The following RAD51C variants were observed in gnomAD, a reference collection of about 807,000 sequenced individuals.
The protein encoded by RAD51C is DNA repair protein RAD51 homolog 3.
Under a neutral mutation model 45.0 loss-of-function variants are expected in RAD51C, and 42 were observed. The observed-to-expected ratio is 0.93, with a 90% confidence interval of 0.73 to 1.21. RAD51C has a LOEUF of 1.21. Ranked by LOEUF, RAD51C falls within the 50% of genes most tolerant of loss-of-function variation. The pLI is 0.00. For missense variants in RAD51C, 474 were observed against 452.2 expected (o/e 1.05, Z -0.44); for synonymous variants, 172 against 159.8 (o/e 1.08, Z -0.58).
chr17:58,717,535 G>A (rs926121953), intron 5 of RAD51C, among the ~76,000 whole-genome samples: 5 of 152,024 alleles, frequency 3.3e-5, no homozygotes, highest in Non-Finnish European at 7.4e-5. Context: ...TCAGGAGTTC[G>A]AGACCAGCCT....
chr17:58,716,104 C>T (rs979243152), intron 5 of RAD51C, among the ~76,000 whole-genome samples: 6 of 126,044 alleles, frequency 4.8e-5, no homozygotes, highest in African/African-American at 6.6e-5. Flanking sequence ...GACTCTGTCT[C>T]GAAAAAAAAA....
In RAD51C at chr17:58,734,512, A is replaced by G. The variant is rs533020255; in HGVS notation, c.*290A>G. On this transcript the variant is annotated 3_prime_UTR_variant, in exon 9 of 9. Transcript: ENST00000337432. Reference sequence around the variant, plus strand: ...CTCATGTGGCCAGTCTGAATTTACCATTCATACTGTTTTCACCCCTTTCTT... The same window carrying G: ...CTCATGTGGCCAGTCTGAATTTACCGTTCATACTGTTTTCACCCCTTTCTT... 341 of 449,320 alleles carry G rather than the reference A, an allele frequency of 7.6e-4. No homozygotes were observed. Among genetic ancestry groups the G allele is most frequent in the Non-Finnish European group, 1.2e-3 (307 of 252,692 alleles). The allele number at this position is 449,320 out of a possible 1,614,324, so 27.8% of individuals were successfully genotyped here.
At chr17:58,732,791 G>A in intron 8 of RAD51C, 1 of 430,760 alleles carries the variant, frequency 2.3e-6, no homozygotes, top group East Asian at 3.9e-5. Context: ...CATGCCATAT[G>A]TAATGTCAGG....
At chr17:58,723,451 G>A (rs752892560) in intron 6 of RAD51C, among the ~76,000 whole-genome samples, 4 of 151,218 alleles carry the variant, frequency 2.6e-5, no homozygotes, top group Non-Finnish European at 4.4e-5. Flanking sequence ...CAGGAGCCTC[G>A]TATGCTCTCC....
At position 58,696,863 on chromosome 17, in the gene RAD51C, A is replaced by G. The variant is rs587780257; in HGVS notation, c.571+4A>G. ...GCAGAAAAACACAAGGGAGAGGGTAAGTTAGTAAATGATCTTCTTTTTTTC... is the reference window on the plus strand; with the variant it reads ...GCAGAAAAACACAAGGGAGAGGGTAGGTTAGTAAATGATCTTCTTTTTTTC... On this transcript the variant is annotated splice_donor_region_variant and intron_variant, in intron 3 of 8. Transcript: ENST00000337432. 9.3e-6 allele frequency: 15 copies of G among 1,613,836 alleles called. No individual in the cohort carries two copies. Among genetic ancestry groups the G allele is most frequent in the Admixed American group, 1.7e-5 (1 of 60,000 alleles).
intron 8 of RAD51C, 86 bp downstream of exon 8, chr17:58,732,630 C>T (rs2049479178): frequency 1.6e-6 from 2 of 1,282,834 alleles, no homozygotes; most frequent in African/African-American, 1.5e-5. Context: ...CTTCTGTCAA[C>T]TTCTGTAGGC....
intron 2 of RAD51C, among the ~76,000 whole-genome samples, chr17:58,695,745 A>G (rs759264925): frequency 1.8e-4 from 27 of 151,084 alleles, no homozygotes; most frequent in Non-Finnish European, 3.1e-4. Context: ...TAATCACATC[A>G]CTGGGCAGCA....
At chr17:58,704,492 G>C (rs2048316318) in intron 4 of RAD51C, among the ~76,000 whole-genome samples, 1 of 151,606 alleles carries the variant, frequency 6.6e-6, no homozygotes. Context: ...ATGTTGGCCA[G>C]GCTGCTCACC....
intron 6 of RAD51C, among the ~76,000 whole-genome samples, chr17:58,723,139 T>G (rs2048979585): frequency 6.6e-6 from 1 of 152,116 alleles, no homozygotes; most frequent in Admixed American, 6.6e-5. Context: ...GTTTCACACC[T>G]AATATGACTA....
intron 2 of RAD51C, 27 bp downstream of exon 2, chr17:58,695,216 G>A (rs1286006766): frequency 5.6e-6 from 9 of 1,598,466 alleles, no homozygotes; most frequent in Non-Finnish European, 7.7e-6. Context: ...TCCTTTTAAG[G>A]GTGGGTTTAA....
chr17:58,709,092 CTTTTTTTTTT>C (rs34570887), intron 4 of RAD51C, among the ~76,000 whole-genome samples: 4 of 117,054 alleles, frequency 3.4e-5, no homozygotes, highest in Non-Finnish European at 5.1e-5. Context: ...TTTTGAATTA[CTTTTTTTTTT>C]TTTTTTTTTT....
rs373116323 is a variant in RAD51C at position 58,692,603 on chromosome 17, T to C, written c.-41T>C. The C allele has an allele frequency of 2.4e-5, 39 of 1,612,226 alleles. No individual in the cohort carries two copies. The highest frequency in any genetic ancestry group is 1.0e-4 in the Admixed American group (6 of 60,016). On this transcript the variant is annotated 5_prime_UTR_variant, in exon 1 of 9. Transcript: ENST00000337432. ...CACGCCGCACGCCCCAGCGAGGGCG[T>C]GCGGAGTTTGGCTGCTCCGGGGTTA...
chr17:58,694,862 C>CA (rs1434645110), intron 1 of RAD51C, 69 bp from the exon 2 acceptor site: 4 of 1,342,288 alleles, frequency 3.0e-6, no homozygotes, highest in Admixed American at 3.4e-5. Context: ...TTAATAAAGA[C>CA]AATCGATTAT....
At chr17:58,726,373 G>A (rs2049124584) in intron 7 of RAD51C, among the ~76,000 whole-genome samples, 1 of 150,132 alleles carries the variant, frequency 6.7e-6, no homozygotes, top group African/African-American at 2.5e-5. Flanking sequence ...ATGTATATAT[G>A]TGTACATATA....
chr17:58,732,256 G>T (rs922970526), intron 7 of RAD51C: 52 of 433,012 alleles, frequency 1.2e-4, no homozygotes, highest in Non-Finnish European at 1.8e-4. Flanking sequence ...ATTTGAATCA[G>T]TCATTGGACT....
chr17:58,710,581 T>G (rs1402254261), intron 5 of RAD51C, among the ~76,000 whole-genome samples: 6 of 152,106 alleles, frequency 3.9e-5, no homozygotes, highest in African/African-American at 1.4e-4. Context: ...TAAATATACT[T>G]TGGATGTTTT....
intron 5 of RAD51C, among the ~76,000 whole-genome samples, chr17:58,713,764 C>T (rs2048636628): frequency 6.6e-6 from 1 of 152,080 alleles, no homozygotes; most frequent in Non-Finnish European, 1.5e-5. Context: ...GCCAAGATCA[C>T]ACTGTTGCAC....
intron 5 of RAD51C, among the ~76,000 whole-genome samples, chr17:58,712,410 T>A (rs1435310959): frequency 2.0e-5 from 3 of 151,654 alleles, no homozygotes; most frequent in Non-Finnish European, 4.4e-5. Flanking sequence ...AAAAAAAAGT[T>A]CTAAACAATA....
intron 7 of RAD51C, among the ~76,000 whole-genome samples, chr17:58,730,365 A>T (rs1316110416): frequency 6.9e-6 from 1 of 145,190 alleles, no homozygotes; most frequent in African/African-American, 2.6e-5. Context: ...TTTAGTAGAG[A>T]TGGGGGTTTC....
Sources: allele counts gnomAD v4.1 joint callset (sites outside exome capture counted in the v4.1 genomes callset), GRCh38; gene constraint gnomAD v4.1.1; transcripts MANE v1.5; gene names NCBI Gene and HGNC (gene_info 2026-07-23, HGNC 2026-07-21).